DECR2: variants seen among roughly 807,000 people sequenced by gnomAD.
DECR2 encodes the protein peroxisomal 2,4-dienoyl-CoA reductase [(3E)-enoyl-CoA-producing].
DECR2 carries 34 observed loss-of-function variants against 29.2 expected under a neutral mutation model. The ratio of observed to expected loss-of-function variants is 1.16; its 90% CI spans 0.89 to 1.55. The LOEUF (loss-of-function observed/expected upper bound fraction) is 1.55, where lower values mean the gene tolerates loss of function less well. Among genes scored for constraint, DECR2 ranks in the 40% most tolerant of loss-of-function variants. DECR2 has a pLI of 0.00. For synonymous variants in DECR2, 224 were observed against 182.7 expected (o/e 1.23, Z -1.82); for missense variants, 485 against 425.3 (o/e 1.14, Z -1.23).
Position 410,208 on chromosome 16 carries a change from G to A in DECR2, c.338-35G>A. 2 of 1,604,286 alleles carry A rather than the reference G, an allele frequency of 1.2e-6. No individual in the cohort carries two copies. Among genetic ancestry groups the A allele is most frequent in the Non-Finnish European group, 1.7e-6 (2 of 1,175,322 alleles). The stretch of plus-strand genomic sequence containing the variant: ...CACCCACTTGGCATCCCTCTCCCCA[G>A]GCTCCAGCAGCTCCTGCGGTCTCCC... On this transcript the variant is annotated intron_variant, in intron 4 of 8. Coordinates refer to ENST00000219481, the MANE Select transcript of DECR2 (RefSeq NM_020664.4). The surrounding 1 kb of genome is among the most constrained non-coding windows in gnomAD (Gnocchi z 4.1).
Position 404,951 on chromosome 16 carries a change from C to A in DECR2, c.81-5C>A. On this transcript the variant is annotated splice_polypyrimidine_tract_variant and splice_region_variant and intron_variant, in intron 1 of 8. Transcript: ENST00000219481. Reference sequence around the variant, plus strand: ...TTTTAAAAGAGCCTCCTTTTTTATTCTCAGGGACAAAGTGGCCTTCATCAC... The same window carrying A: ...TTTTAAAAGAGCCTCCTTTTTTATTATCAGGGACAAAGTGGCCTTCATCAC... 6.2e-7 allele frequency: 1 copy of A among 1,613,826 alleles called. No individual in the cohort carries two copies. Among genetic ancestry groups the A allele is most frequent in the Non-Finnish European group, 8.5e-7 (1 of 1,179,894 alleles).
chr16:402,171 TTTTC>T (rs2054674595), intron 1 of DECR2, 128 bp downstream of exon 1: 14 of 741,004 alleles, frequency 1.9e-5, no homozygotes, highest in East Asian at 1.4e-4. Flanking sequence ...TTTCTTTCTT[TTTTC>T]TTTCTTTTTT....
At chr16:406,796 G>A (rs374631520) in intron 3 of DECR2, 15 of 609,160 alleles carry the variant, frequency 2.5e-5, no homozygotes, top group Non-Finnish European at 3.1e-5. Context: ...CACTGTGCCC[G>A]GCCGGCACCT....
Position 410,940 on chromosome 16 carries a change from G to A in DECR2, c.557-32G>A, listed in dbSNP as rs559836051. On this transcript the variant is annotated intron_variant, in intron 6 of 8. Transcript: ENST00000219481. This position sits in a 1 kb window ranked among gnomAD's most constrained non-coding sequence, Gnocchi z 4.1. ...CCTGCGCCCTCGCAGAGGGCAGAGCGGCCCTTTCATATCCAACTTTCTTCT... is the reference window on the plus strand; with the variant it reads ...CCTGCGCCCTCGCAGAGGGCAGAGCAGCCCTTTCATATCCAACTTTCTTCT... The A allele has an allele frequency of 2.6e-6, 4 of 1,566,710 alleles. No homozygotes were observed. The highest frequency in any genetic ancestry group is 2.3e-5 in the South Asian group (2 of 85,396).
In DECR2 at chr16:410,296, A is replaced by G; in HGVS notation, c.391A>G (p.Lys131Glu). ...TGGCGCCTTGTCCTTCAACGCCTTC[A>G]AGACCGTGATGGACATCGATACCAG... The part of the protein sequence containing the change: ...PAGALSFNAF[K>E]TVMDIDTSGT... The change falls in exon 5 of 9, where the codon AAG becomes GAG. Residue 131 changes from lysine to glutamate, a missense_variant. Transcript: ENST00000219481. The surrounding 1 kb of genome is among the most constrained non-coding windows in gnomAD (Gnocchi z 4.1). 1 of 1,613,654 alleles carries G rather than the reference A, an allele frequency of 6.2e-7. No individual in the cohort carries two copies. Among genetic ancestry groups the G allele is most frequent in the South Asian group, 1.1e-5 (1 of 91,070 alleles).
chr16:407,451 C>G lies in DECR2; in HGVS notation c.228C>G (p.Thr76=), dbSNP rs375228585. The part of the protein sequence containing the change: ...LTAARKLAGA[T]GRRCLPLSMD... Reference sequence around the variant, plus strand: ...CCGCCAGGAAGCTGGCTGGGGCCACCGGCCGGCGCTGCCTCCCTCTCTCTA... The same window carrying G: ...CCGCCAGGAAGCTGGCTGGGGCCACGGGCCGGCGCTGCCTCCCTCTCTCTA... The change falls in exon 4 of 9, where the codon ACC becomes ACG. Residue 76 remains threonine, a synonymous_variant. Transcript: ENST00000219481. 11 of 1,610,634 alleles carry G rather than the reference C, an allele frequency of 6.8e-6. No individual in the cohort carries two copies. The highest frequency in any genetic ancestry group is 1.3e-5 in the African/African-American group (1 of 74,896).
chr16:406,325 C>T (rs766336646), intron 2 of DECR2, 21 bp from the exon 3 acceptor site: 17 of 1,604,774 alleles, frequency 1.1e-5, no homozygotes, highest in Non-Finnish European at 1.3e-5. Flanking sequence ...ACTGCCCTCA[C>T]ACCTGCTTCT....
At chr16:404,470 C>G (rs1199725923) in intron 1 of DECR2, among the ~76,000 whole-genome samples, 1 of 151,902 alleles carries the variant, frequency 6.6e-6, no homozygotes, top group Non-Finnish European at 1.5e-5. Context: ...GAACTCCCGA[C>G]CTCAGGTGAT....
At position 411,456 on chromosome 16, in the gene DECR2, G is replaced by A. The variant is rs761444811; in HGVS notation, c.757G>A (p.Ala253Thr). 8 of 1,613,704 alleles carry A rather than the reference G, an allele frequency of 5.0e-6. No individual in the cohort carries two copies. The highest frequency in any genetic ancestry group is 5.1e-6 in the Non-Finnish European group (6 of 1,180,030). Residue 253 changes from alanine (A) to threonine (T), a missense_variant, in exon 8 of 9, where the codon GCC (alanine) becomes ACC (threonine). Physicochemically the swap from Ala to Thr is moderately conservative, Grantham distance 58 (BLOSUM62 0). Transcript: ENST00000219481. ...TEIAHSVLYL[A>T]SPLASYVTGA... ...GATCGCCCACAGCGTGCTCTACCTGGCCAGCCCTCTGGCTTCCTACGTGAC... is the reference window on the plus strand; with the variant it reads ...GATCGCCCACAGCGTGCTCTACCTGACCAGCCCTCTGGCTTCCTACGTGAC...
chr16:409,269 T>A (rs2054780861), intron 4 of DECR2, among the ~76,000 whole-genome samples: 1 of 152,134 alleles, frequency 6.6e-6, no homozygotes. Context: ...CCTCCCGGGT[T>A]CATGCCATTC....
intron 4 of DECR2, among the ~76,000 whole-genome samples, chr16:409,227 A>G (rs2054780367): frequency 6.6e-6 from 1 of 150,462 alleles, no homozygotes; most frequent in East Asian, 2.0e-4. Flanking sequence ...GCTGGAGTGC[A>G]GTGGCGCAAT....
chr16:405,300 C>G (rs910470393), intron 2 of DECR2: 2 of 580,490 alleles, frequency 3.4e-6, no homozygotes, highest in South Asian at 2.2e-5. Context: ...GGCCCCAGTG[C>G]TGGCGCCCTG....
chr16:410,835 C>A lies in DECR2; in HGVS notation c.556+51C>A. On this transcript the variant is annotated intron_variant, in intron 6 of 8. Transcript: ENST00000219481. The surrounding 1 kb of genome is among the most constrained non-coding windows in gnomAD (Gnocchi z 4.1). Reference sequence around the variant, plus strand: ...TTTGCCCACGTGGGTCCCCAATGGGCCGTCTGCTTCCATCCCAGGAGGCCA... The same window carrying A: ...TTTGCCCACGTGGGTCCCCAATGGGACGTCTGCTTCCATCCCAGGAGGCCA... 6.6e-7 allele frequency: 1 copy of A among 1,522,622 alleles called. No individual in the cohort carries two copies. The highest frequency in any genetic ancestry group is 8.9e-7 in the Non-Finnish European group (1 of 1,123,680). The allele number at this position is 1,522,622 out of a possible 1,614,324, so 94.3% of individuals were successfully genotyped here. A position where few individuals can be genotyped will look rare whatever the true frequency, so the allele number is the denominator to read the frequency against.
intron 8 of DECR2, 134 bp downstream of exon 8, chr16:411,712 C>A: frequency 1.0e-6 from 1 of 983,910 alleles, no homozygotes; most frequent in South Asian, 1.7e-5. Flanking sequence ...GCCAGCCTGC[C>A]CACACATGGG....
chr16:402,193 G>A, intron 1 of DECR2, 150 bp downstream of exon 1: 1 of 560,938 alleles, frequency 1.8e-6, no homozygotes, highest in Non-Finnish European at 2.6e-6. Flanking sequence ...TTTTTTTTTT[G>A]AGACGGAATC....
rs1171407018 is a variant in DECR2 at position 401,925 on chromosome 16, C to T, written c.-39C>T. 3 of 1,471,052 alleles carry T rather than the reference C, an allele frequency of 2.0e-6. No individual in the cohort carries two copies. Among genetic ancestry groups the T allele is most frequent in the Non-Finnish European group, 2.7e-6 (3 of 1,117,232 alleles). The allele number at this position is 1,471,052 out of a possible 1,614,324, so 91.1% of individuals were successfully genotyped here. ...CGCCGGGTCCTGGAGGCCGAGGCCG[C>T]TCCCGCCCGTTGTCCCCGCAGTCCC... On this transcript the variant is annotated 5_prime_UTR_variant, in exon 1 of 9. Coordinates refer to ENST00000219481, the MANE Select transcript of DECR2 (RefSeq NM_020664.4).
At position 407,537 on chromosome 16, in the gene DECR2, G is replaced by A; in HGVS notation, c.314G>A (p.Gly105Asp). 5 of 1,614,020 alleles carry A rather than the reference G, an allele frequency of 3.1e-6. No homozygotes were observed. The highest frequency in any genetic ancestry group is 4.2e-6 in the Non-Finnish European group (5 of 1,179,902). Residue 105 changes from glycine (G) to aspartate (D), a missense_variant, in exon 4 of 9, where the codon GGC (glycine) becomes GAC (aspartate). Physicochemically the swap from Gly to Asp is moderately conservative, Grantham distance 94 (BLOSUM62 -1). Coordinates refer to ENST00000219481, the MANE Select transcript of DECR2 (RefSeq NM_020664.4). ...GTGGACCAGGCTCTGAAGGAGTTTG[G>A]CAGAATCGACATTCTCATTAACTGT... is the stretch of plus-strand genomic sequence containing the variant. Reference protein sequence around the residue: ...AAVDQALKEFGRIDILINCAA... With the variant: ...AAVDQALKEFDRIDILINCAA...
At chr16:406,952 T>G in intron 3 of DECR2, 3 of 1,024,498 alleles carry the variant, frequency 2.9e-6, no homozygotes, top group Non-Finnish European at 3.5e-6. Flanking sequence ...GGAGCTTCAG[T>G]GTAAGTGGCC....
chr16:411,494 G>T lies in DECR2; in HGVS notation c.795G>T (p.Leu265=), dbSNP rs749691188. 6.2e-7 allele frequency: 1 copy of T among 1,614,050 alleles called. No individual in the cohort carries two copies. The highest frequency in any genetic ancestry group is 8.5e-7 in the Non-Finnish European group (1 of 1,180,014). ...PLASYVTGAV[L]VADGGAWLTF... is the part of the protein sequence containing the mutation. ...CTTCCTACGTGACGGGGGCCGTGCT[G>T]GTGGCCGATGGCGGGGCATGGTTGA... The change falls in exon 8 of 9, where the codon CTG becomes CTT. Residue 265 remains leucine, a synonymous_variant. Transcript: ENST00000219481.
Sources: allele counts gnomAD v4.1 joint callset (sites outside exome capture counted in the v4.1 genomes callset), GRCh38; gene constraint gnomAD v4.1.1; non-coding constraint Gnocchi (gnomAD v3.1); transcripts MANE v1.5; gene names NCBI Gene and HGNC (gene_info 2026-07-23, HGNC 2026-07-21).